The following GSE1 variants were observed in gnomAD, a reference collection of about 807,000 sequenced individuals.
GSE1 encodes genetic suppressor element 1.
A neutral mutation model predicts 112.6 loss-of-function variants in GSE1; 32 were observed. The ratio of observed to expected loss-of-function variants is 0.28; its 90% CI spans 0.21 to 0.38. The LOEUF (loss-of-function observed/expected upper bound fraction) is 0.38, where lower values mean the gene tolerates loss of function less well. GSE1 is among the 10% of genes least tolerant of loss of function. GSE1 has a pLI of 1.00. For missense variants in GSE1, 2,348 were observed against 1,699.2 expected (o/e 1.38, Z -6.71); for synonymous variants, 1,115 against 735.6 (o/e 1.52, Z -8.35).
chr16:85,235,933 T>C (rs1291486571), intron 1 of GSE1, among the ~76,000 whole-genome samples: 2 of 151,854 alleles, frequency 1.3e-5, no homozygotes, highest in Non-Finnish European at 2.9e-5. Flanking sequence ...TGCGCGCATC[T>C]GGGGAGCGAG....
At chr16:85,323,815 T>A (rs1204153284) in intron 1 of GSE1, among the ~76,000 whole-genome samples, 1 of 152,070 alleles carries the variant, frequency 6.6e-6, no homozygotes, top group Non-Finnish European at 1.5e-5. Flanking sequence ...AGTGAGGAGT[T>A]CCCCCTTAGA....
intron 2 of GSE1, among the ~76,000 whole-genome samples, chr16:85,504,240 C>G (rs1276446622): frequency 2.0e-5 from 3 of 152,228 alleles, no homozygotes; most frequent in African/African-American, 7.2e-5. Flanking sequence ...GGGCCACCCC[C>G]AAAGCCCACG....
At chr16:85,629,968 C>T (rs1268128027) in intron 1 of GSE1, among the ~76,000 whole-genome samples, 2 of 152,164 alleles carry the variant, frequency 1.3e-5, no homozygotes, top group African/African-American at 4.8e-5. Context: ...GATGGCTTAG[C>T]TGGGTGGTTC....
intron 1 of GSE1, among the ~76,000 whole-genome samples, chr16:85,190,266 T>G (rs2074794799): frequency 6.6e-6 from 1 of 152,238 alleles, no homozygotes. Flanking sequence ...AGAAAGATAC[T>G]AAACTGAAAT....
intron 1 of GSE1, among the ~76,000 whole-genome samples, chr16:85,266,830 G>C (rs1432268240): frequency 6.6e-6 from 1 of 152,172 alleles, no homozygotes; most frequent in Non-Finnish European, 1.5e-5. Flanking sequence ...GGCCTGAGAG[G>C]CTGAGGACTG....
intron 2 of GSE1, among the ~76,000 whole-genome samples, chr16:85,542,917 C>G (rs1052814152): frequency 6.6e-6 from 1 of 152,186 alleles, no homozygotes; most frequent in Non-Finnish European, 1.5e-5. Context: ...CTGTTTTTAG[C>G]GTAAATGCCC....
At chr16:85,552,072 C>T (rs2044942229), upstream of GSE1, among the ~76,000 whole-genome samples, 1 of 151,940 alleles carries the variant, frequency 6.6e-6, no homozygotes, top group African/African-American at 2.4e-5. Flanking sequence ...GTCGCCCAGG[C>T]TGGAGTGCAG....
chr16:85,597,845 C>T (rs1365665170), intron 1 of GSE1, among the ~76,000 whole-genome samples: 1 of 152,170 alleles, frequency 6.6e-6, no homozygotes, highest in African/African-American at 2.4e-5. Flanking sequence ...TGCATTCGCT[C>T]TGTAGGAGAA....
At chr16:85,217,836 G>T (rs2075329594) in intron 1 of GSE1, among the ~76,000 whole-genome samples, 1 of 151,952 alleles carries the variant, frequency 6.6e-6, no homozygotes, top group Admixed American at 6.6e-5. Context: ...ACTACCACCT[G>T]TGCACTCCCT....
intron 1 of GSE1, among the ~76,000 whole-genome samples, chr16:85,232,591 G>T (rs933222460): frequency 2.1e-4 from 32 of 152,242 alleles, no homozygotes; most frequent in African/African-American, 7.2e-4. Context: ...GGGAGGCCCA[G>T]CAGACCCAGC....
intron 2 of GSE1, among the ~76,000 whole-genome samples, chr16:85,402,594 C>CGCTG (rs2048141628): frequency 6.6e-6 from 1 of 152,128 alleles, no homozygotes; most frequent in African/African-American, 2.4e-5. Context: ...GGGAGCGCGG[C>CGCTG]GCTGGGCCTG....
intron 1 of GSE1, among the ~76,000 whole-genome samples, chr16:85,577,320 G>C (rs969241433): frequency 6.6e-6 from 1 of 152,224 alleles, no homozygotes; most frequent in East Asian, 1.9e-4. Context: ...GGTCCTCTCA[G>C]GGAAGTGGGG....
chr16:85,578,272 T>A (rs12102886), intron 1 of GSE1, among the ~76,000 whole-genome samples: 74,843 of 152,094 alleles, frequency 0.49, 20,062 homozygotes, highest in East Asian at 0.86. Flanking sequence ...AGGGATAAAT[T>A]ACCCCTTCAT....
In GSE1 at chr16:85,210,505, C is replaced by G. The variant is rs541295045; in HGVS notation, c.2283+38698C>G. On this transcript the variant is annotated intron_variant, in intron 1 of 2. Coordinates refer to the GSE1 transcript ENST00000637419. ...TCGGGAGGCTGAGGTAGGAGGATTG[C>G]TTGAGCCAGGGAGGTCCAGGCTGCA... 2.0e-5 allele frequency among the ~76,000 whole-genome samples: 3 copies of G among 152,222 alleles called. No individual in the cohort carries two copies. The East Asian group carries it at 5.8e-4, about 29-fold the overall frequency.
chr16:85,197,794 C>T (rs563600723), intron 1 of GSE1, among the ~76,000 whole-genome samples: 154 of 152,300 alleles, frequency 1.0e-3, no homozygotes, highest in Non-Finnish European at 2.0e-3. Context: ...CCCTCCTGCA[C>T]GTTGTTATAG....
rs967302969 is a variant in GSE1, at chr16:85,615,686, C to T, written c.7+2288C>T. 5.3e-5 allele frequency among the ~76,000 whole-genome samples: 8 copies of T among 152,204 alleles called. No homozygotes were observed. The East Asian group carries it at 5.8e-4, about 11-fold the overall frequency. On this transcript the variant is annotated intron_variant, in intron 1 of 15. Coordinates refer to ENST00000253458, the MANE Select transcript of GSE1 (RefSeq NM_014615.5). ...GAAGGCAACAAGGTGTCCACTGTGG[C>T]GCAGGCTCTGAGCTGTTTGGGACAG...
chr16:85,293,545 A>G (rs1156470743), intron 1 of GSE1, among the ~76,000 whole-genome samples: 2 of 152,122 alleles, frequency 1.3e-5, no homozygotes, highest in African/African-American at 4.8e-5. Flanking sequence ...GTGAGATTCC[A>G]TTTCAAAAAA....
intron 2 of GSE1, among the ~76,000 whole-genome samples, chr16:85,647,661 A>G (rs1170727194): frequency 6.6e-6 from 1 of 152,052 alleles, no homozygotes; most frequent in Non-Finnish European, 1.5e-5. Context: ...ATCTCTGCTC[A>G]CCAGAACCTC....
intron 1 of GSE1, among the ~76,000 whole-genome samples, chr16:85,191,289 C>T (rs887326365): frequency 6.6e-6 from 1 of 152,160 alleles, no homozygotes; most frequent in African/African-American, 2.4e-5. Flanking sequence ...ACAACAACAA[C>T]AAATGTATAT....
Sources: allele counts gnomAD v4.1 joint callset (sites outside exome capture counted in the v4.1 genomes callset), GRCh38; gene constraint gnomAD v4.1.1; transcripts MANE v1.5; gene names NCBI Gene and HGNC (gene_info 2026-07-23, HGNC 2026-07-21).